Variants in ANKRD27 observed in about 807,000 individuals in gnomAD.
The protein encoded by ANKRD27 is ankyrin repeat domain 27, also known as ankyrin repeat domain-containing protein 27.
In ANKRD27, 112 loss-of-function variants were observed where a neutral mutation model predicts 129.7. That is an observed-to-expected ratio of 0.86 (90% confidence interval 0.74 to 1.01). The LOEUF is 1.01. ANKRD27 is among the 50% of genes least tolerant of loss of function. The pLI, the probability that ANKRD27 is intolerant of heterozygous loss-of-function variation, is 0.00. For synonymous variants in ANKRD27, 516 were observed against 511.2 expected (o/e 1.01, Z -0.13); for missense variants, 1,258 against 1,300.5 (o/e 0.97, Z 0.50).
intron 26 of ANKRD27, among the ~76,000 whole-genome samples, chr19:32,601,611 C>CAAAA (rs386388881): frequency 4.6e-5 from 3 of 65,114 alleles, no homozygotes; most frequent in African/African-American, 1.6e-4. Context: ...GACTCTGTCT[C>CAAAA]AAAAAAAAAA....
chr19:32,647,984 G>C (rs1967334766), intron 3 of ANKRD27, among the ~76,000 whole-genome samples: 1 of 152,226 alleles, frequency 6.6e-6, no homozygotes, highest in African/African-American at 2.4e-5. Context: ...AAAGGATCCA[G>C]GCCGGGTGCA....
chr19:32,625,892 GC>G lies in ANKRD27; in HGVS notation c.1610del (p.Cys537SerfsTer9), dbSNP rs762548278. On this transcript the variant is annotated frameshift_variant, in exon 17 of 29. Coordinates refer to ENST00000306065, the MANE Select transcript of ANKRD27 (RefSeq NM_032139.3). LOFTEE classifies it high-confidence loss of function. The part of the protein sequence containing the change: ...NNGNTPLHLA[C>X]TYGHEDCVKA... Reference sequence around the variant, plus strand: ...CACTCACGTCCTCGTGGCCGTAGGTGCAGGCCAGGTGGAGTGGCGTATTCCC... The same window carrying G: ...CACTCACGTCCTCGTGGCCGTAGGTGAGGCCAGGTGGAGTGGCGTATTCCC... 6.2e-7 allele frequency: 1 copy of G among 1,607,612 alleles called. No homozygotes were observed. The highest frequency in any genetic ancestry group is 1.1e-5 in the South Asian group (1 of 89,530).
rs1166270183 is a variant in ANKRD27, at chr19:32,647,790, C to T, written c.214-1175G>A. ...GCGCAGCTGGTCTGCCCCCAGCACCCGGCCATGACCACAGTAAGCCATGCA... is the reference window on the plus strand; with the variant it reads ...GCGCAGCTGGTCTGCCCCCAGCACCTGGCCATGACCACAGTAAGCCATGCA... On this transcript the variant is annotated intron_variant, in intron 3 of 28. Transcript: ENST00000306065. 9.2e-5 allele frequency among the ~76,000 whole-genome samples: 14 copies of T among 152,228 alleles called. No homozygotes were observed. In the East Asian group the frequency reaches 1.3e-3, roughly 15 times the overall value.
chr19:32,661,150 A>G (rs1967636047), intron 1 of ANKRD27, among the ~76,000 whole-genome samples: 1 of 151,180 alleles, frequency 6.6e-6, no homozygotes, highest in South Asian at 2.1e-4. Flanking sequence ...GCTATGAGCC[A>G]TGATCACGCC....
At chr19:32,612,102 TG>T (rs1428311483) in intron 22 of ANKRD27, among the ~76,000 whole-genome samples, 1 of 152,192 alleles carries the variant, frequency 6.6e-6, no homozygotes, top group Non-Finnish European at 1.5e-5. Flanking sequence ...ATGCATGCTA[TG>T]TATGCAATAC....
At chr19:32,654,190 A>T (rs934707470) in intron 2 of ANKRD27, among the ~76,000 whole-genome samples, 1 of 152,020 alleles carries the variant, frequency 6.6e-6, no homozygotes, top group Non-Finnish European at 1.5e-5. Context: ...GTGAGCCACC[A>T]TGCCTGGCCA....
intron 23 of ANKRD27, among the ~76,000 whole-genome samples, chr19:32,606,961 A>G (rs1971750960): frequency 6.9e-6 from 1 of 145,508 alleles, no homozygotes; most frequent in Non-Finnish European, 1.5e-5. Context: ...AAAAAAAAAA[A>G]AAAAAAAAAA....
intron 28 of ANKRD27, among the ~76,000 whole-genome samples, chr19:32,599,023 T>G (rs1388202889): frequency 6.6e-6 from 1 of 152,174 alleles, no homozygotes; most frequent in Non-Finnish European, 1.5e-5. Context: ...CTCACACTTG[T>G]AATCCCAGCA....
chr19:32,649,732 A>C lies in ANKRD27; in HGVS notation c.163T>G (p.Ser55Ala), dbSNP rs1401403666. The change falls in exon 3 of 29, where the codon TCC (serine) becomes GCC (alanine). Residue 55 changes from serine (S) to alanine (A), a missense_variant. Transcript: ENST00000306065. ...TCTTCCACAGGTATCAAAATGTAGG[A>C]CTCAAACTGACAAGTAGACTGGATG... Reference protein sequence around the residue: ...SSIQSTCQFESYILIPVEEHF... With the variant: ...SSIQSTCQFEAYILIPVEEHF... 1.2e-6 allele frequency: 2 copies of C among 1,613,922 alleles called. No individual in the cohort carries two copies. Among genetic ancestry groups the C allele is most frequent in the Non-Finnish European group, 1.7e-6 (2 of 1,179,974 alleles).
At chr19:32,656,017 CA>C (rs200251664) in intron 2 of ANKRD27, among the ~76,000 whole-genome samples, 10 of 68,208 alleles carry the variant, frequency 1.5e-4, no homozygotes, top group East Asian at 4.2e-4. Flanking sequence ...GACTCTGTTT[CA>C]AAAAAAAAAG....
chr19:32,653,698 C>T (rs1967463658), intron 2 of ANKRD27, among the ~76,000 whole-genome samples: 1 of 145,948 alleles, frequency 6.9e-6, no homozygotes, highest in African/African-American at 2.5e-5. Context: ...AAAAGGAGCA[C>T]CTGCGAAGGA....
intron 24 of ANKRD27, among the ~76,000 whole-genome samples, chr19:32,605,009 T>C (rs1599732988): frequency 6.6e-6 from 1 of 151,856 alleles, no homozygotes; most frequent in Non-Finnish European, 1.5e-5. Flanking sequence ...GAGGCAGAGG[T>C]TGCAGTGAGC....
chr19:32,663,038 T>A (rs1261844315), intron 1 of ANKRD27, among the ~76,000 whole-genome samples: 1 of 152,144 alleles, frequency 6.6e-6, no homozygotes, highest in Non-Finnish European at 1.5e-5. Flanking sequence ...TGAGATTCTG[T>A]CTCAAAGACA....
intron 2 of ANKRD27, among the ~76,000 whole-genome samples, chr19:32,652,537 T>A (rs1053413968): frequency 3.9e-5 from 6 of 152,118 alleles, no homozygotes; most frequent in Non-Finnish European, 8.8e-5. Flanking sequence ...ATCGCACCAC[T>A]GCATTCCAGC....
In ANKRD27 at chr19:32,644,206, T is replaced by G. The variant is rs1020971656; in HGVS notation, c.525+119A>C. 5.0e-6 allele frequency: 6 copies of G among 1,207,154 alleles called. No individual in the cohort carries two copies. The South Asian group carries it at 7.8e-5, about 16-fold the overall frequency. 74.8% of individuals were successfully genotyped at this position (1,207,154 alleles called of 1,614,324 possible). ...CTTTTATAGTTAGAGAGAAACATTT[T>G]TAAAAGACTTCAAACAGTGAGGCAG... On this transcript the variant is annotated intron_variant, in intron 5 of 28. Coordinates refer to ENST00000306065, the MANE Select transcript of ANKRD27 (RefSeq NM_032139.3).
At chr19:32,604,932 C>T (rs780950941) in intron 24 of ANKRD27, among the ~76,000 whole-genome samples, 2 of 151,780 alleles carry the variant, frequency 1.3e-5, no homozygotes, top group Admixed American at 6.6e-5. Flanking sequence ...ATTAGCTGGG[C>T]ATGGTGGTGG....
chr19:32,671,465 A>G (rs185708812), intron 1 of ANKRD27, among the ~76,000 whole-genome samples: 156 of 152,340 alleles, frequency 1.0e-3, no homozygotes, highest in African/African-American at 3.2e-3. Flanking sequence ...TGGGAGGCCA[A>G]AGCGGGTGGA....
chr19:32,618,457 A>G (rs1971956556), intron 20 of ANKRD27, among the ~76,000 whole-genome samples: 1 of 144,530 alleles, frequency 6.9e-6, no homozygotes, highest in Non-Finnish European at 1.6e-5. Flanking sequence ...AAAAGAAAAA[A>G]AAAAAAAAAA....
At chr19:32,659,187 G>A (rs1254446211) in intron 1 of ANKRD27, 142 bp from the exon 2 acceptor site, 2 of 554,454 alleles carry the variant, frequency 3.6e-6, no homozygotes, top group Non-Finnish European at 6.4e-6. Context: ...CGCCCAGGCT[G>A]GAGCGCGGCT....
Sources: allele counts gnomAD v4.1 joint callset (sites outside exome capture counted in the v4.1 genomes callset), GRCh38; gene constraint gnomAD v4.1.1; transcripts MANE v1.5; gene names NCBI Gene and HGNC (gene_info 2026-07-23, HGNC 2026-07-21).